The following MTX2 variants were observed in gnomAD, a reference collection of about 807,000 sequenced individuals.
MTX2 encodes the protein metaxin 2.
Under a neutral mutation model 42.3 loss-of-function variants are expected in MTX2, and 35 were observed. The observed-to-expected ratio is 0.83, with a 90% CI of 0.63 to 1.10. MTX2 has a LOEUF of 1.10. Ranked by LOEUF, MTX2 falls within the 50% of genes least tolerant of loss-of-function variation. The probability of loss-of-function intolerance (pLI) is 0.00; values close to 1 mark genes in which losing one functional copy is unlikely to be tolerated. For missense variants in MTX2, 307 were observed against 304.1 expected, an observed-to-expected ratio of 1.01 and a Z score of -0.07; for synonymous variants, 119 against 100.9, an observed-to-expected ratio of 1.18 and a Z score of -1.08.
chr2:176,328,970 C>T, intron 7 of MTX2, 58 bp downstream of exon 7: 1 of 1,434,088 alleles, frequency 7.0e-7, no homozygotes, highest in Non-Finnish European at 9.8e-7. Flanking sequence ...CACTTTTGCT[C>T]AGAATCGCAA....
chr2:176,292,855 C>T (rs1395254540), intron 1 of MTX2, among the ~76,000 whole-genome samples: 1 of 152,072 alleles, frequency 6.6e-6, no homozygotes, highest in African/African-American at 2.4e-5. Context: ...AACTGTTATA[C>T]AAGTTAATTG....
rs753097133 is a variant in MTX2, at chr2:176,323,473, GT to G, written c.208+18del. The G allele has an allele frequency of 4.0e-5, 64 of 1,583,264 alleles. No homozygotes were observed. The African/African-American group carries it at 4.7e-4, about 12-fold the overall frequency. On this transcript the variant is annotated intron_variant, in intron 4 of 9. Transcript: ENST00000249442. ...ATATATGTCTCCATCTGGTAAGTGT[GT>G]TTTTTTTTCTTCTCTGTTAATATTA...
intron 9 of MTX2, among the ~76,000 whole-genome samples, chr2:176,333,243 ACT>A (rs1684902530): frequency 6.6e-6 from 1 of 151,626 alleles, no homozygotes; most frequent in African/African-American, 2.4e-5. Flanking sequence ...ATAATCACAA[ACT>A]ATTTGGTAAG....
chr2:176,286,546 G>T (rs1693207426), intron 1 of MTX2, among the ~76,000 whole-genome samples: 1 of 150,592 alleles, frequency 6.6e-6, no homozygotes, highest in African/African-American at 2.4e-5. Context: ...TACTCACTCT[G>T]AGTCTTTTTT....
At chr2:176,322,747 TA>T (rs755825765) in intron 3 of MTX2, among the ~76,000 whole-genome samples, 3 of 152,024 alleles carry the variant, frequency 2.0e-5, no homozygotes, top group Non-Finnish European at 4.4e-5. Context: ...GCATGAGTTT[TA>T]AAATTGATTG....
chr2:176,331,520 A>G (rs1684864000), intron 9 of MTX2, among the ~76,000 whole-genome samples: 1 of 151,200 alleles, frequency 6.6e-6, no homozygotes, highest in Admixed American at 6.6e-5. Context: ...ATTTGGGTAA[A>G]GATAATATTT....
intron 3 of MTX2, among the ~76,000 whole-genome samples, chr2:176,303,238 CAA>C (rs1286140678): frequency 1.3e-5 from 2 of 151,822 alleles, no homozygotes; most frequent in Admixed American, 1.3e-4. Flanking sequence ...TAAAAATTGA[CAA>C]AACTTTATTA....
intron 6 of MTX2, 139 bp downstream of exon 6, chr2:176,328,524 A>T (rs1411076830): frequency 8.8e-6 from 5 of 567,622 alleles, no homozygotes; most frequent in Non-Finnish European, 1.5e-5. Context: ...TACCTAAATT[A>T]TTTGATTATT....
intron 1 of MTX2, among the ~76,000 whole-genome samples, chr2:176,270,728 T>G (rs1692786445): frequency 6.6e-6 from 1 of 152,216 alleles, no homozygotes; most frequent in Admixed American, 6.5e-5. Flanking sequence ...CTTCTTCACT[T>G]AAAAACATTA....
At chr2:176,284,018 A>G (rs760818455) in intron 1 of MTX2, among the ~76,000 whole-genome samples, 34 of 152,090 alleles carry the variant, frequency 2.2e-4, no homozygotes, top group Non-Finnish European at 4.6e-4. Flanking sequence ...TTGAGTAACA[A>G]TTACAAGACT....
chr2:176,287,501 A>G (rs1693233246), intron 1 of MTX2, among the ~76,000 whole-genome samples: 1 of 152,206 alleles, frequency 6.6e-6, no homozygotes, highest in Non-Finnish European at 1.5e-5. Flanking sequence ...TGGTAAGTAT[A>G]TAATGCAGAT....
intron 1 of MTX2, among the ~76,000 whole-genome samples, chr2:176,279,762 A>T (rs903452224): frequency 6.6e-6 from 1 of 152,112 alleles, no homozygotes; most frequent in Non-Finnish European, 1.5e-5. Flanking sequence ...TTTTCTCCCT[A>T]AACAGTTTTC....
At chr2:176,336,158 A>C (rs1286313674) in intron 9 of MTX2, among the ~76,000 whole-genome samples, 4 of 152,170 alleles carry the variant, frequency 2.6e-5, no homozygotes. Flanking sequence ...CACAGTAATA[A>C]TTAGCTCGTA....
rs1350450427 is a variant in MTX2, at chr2:176,316,306, T to C, written c.136-7086T>C. ...ATCTTGTATAATTCAGTAGCCCTTA[T>C]TAGAGATTCCAGAGGAGAAATGTCT... is the stretch of plus-strand genomic sequence containing the variant. On this transcript the variant is annotated intron_variant, in intron 3 of 9. Coordinates refer to ENST00000249442, the MANE Select transcript of MTX2 (RefSeq NM_006554.5). Among the ~76,000 whole-genome samples, 3 of 152,200 alleles carry C rather than the reference T, an allele frequency of 2.0e-5. No individual in the cohort carries two copies. In the East Asian group the frequency reaches 5.8e-4, roughly 29 times the overall value.
intron 1 of MTX2, among the ~76,000 whole-genome samples, chr2:176,292,371 C>T (rs1030825590): frequency 6.6e-6 from 1 of 152,088 alleles, no homozygotes; most frequent in African/African-American, 2.4e-5. Flanking sequence ...AATGACTTTC[C>T]TTTTAAAATG....
At chr2:176,331,482 A>G (rs1684862430) in intron 9 of MTX2, among the ~76,000 whole-genome samples, 2 of 151,202 alleles carry the variant, frequency 1.3e-5, no homozygotes, top group Admixed American at 1.3e-4. Flanking sequence ...CGTCATAAGC[A>G]TTCCTCTTCT....
intron 1 of MTX2, among the ~76,000 whole-genome samples, chr2:176,286,952 C>T (rs1693218780): frequency 6.6e-6 from 1 of 152,170 alleles, no homozygotes; most frequent in South Asian, 2.1e-4. Context: ...TGCCGTAGTT[C>T]AGTAAATTGG....
chr2:176,305,923 A>G (rs1575047738), intron 3 of MTX2, among the ~76,000 whole-genome samples: 2 of 151,834 alleles, frequency 1.3e-5, no homozygotes, highest in African/African-American at 4.8e-5. Flanking sequence ...CATTATTATT[A>G]TTTTTTATAC....
chr2:176,329,824 T>C (rs1407553799), intron 8 of MTX2, among the ~76,000 whole-genome samples: 1 of 149,882 alleles, frequency 6.7e-6, no homozygotes, highest in Non-Finnish European at 1.5e-5. Context: ...TGTAACTAAA[T>C]ATAGATCTGC....
Sources: gnomAD v4.1 joint callset for allele counts (sites outside exome capture counted in the v4.1 genomes callset) on GRCh38, gnomAD v4.1.1 for gene constraint, MANE v1.5 for transcripts, NCBI Gene and HGNC (gene_info 2026-07-23, HGNC 2026-07-21) for gene names.